VPS41: variants seen among roughly 807,000 people sequenced by gnomAD.
VPS41 encodes vacuolar protein sorting-associated protein 41 homolog.
In VPS41, 85 loss-of-function variants were observed where a neutral mutation model predicts 130.9. The ratio of observed to expected loss-of-function variants is 0.65; its 90% CI spans 0.55 to 0.78. The LOEUF (loss-of-function observed/expected upper bound fraction) is 0.78, where lower values mean the gene tolerates loss of function less well. Among genes scored for constraint, VPS41 ranks in the 30% least tolerant of loss-of-function variants. The probability of loss-of-function intolerance (pLI) is 0.00; values close to 1 mark genes in which losing one functional copy is unlikely to be tolerated. For synonymous variants in VPS41, 335 were observed against 332.9 expected (o/e 1.01, Z -0.07); for missense variants, 874 against 1,018.7 (o/e 0.86, Z 1.93).
At chr7:38,738,827 C>T (rs945981616) in intron 25 of VPS41, among the ~76,000 whole-genome samples, 1 of 152,164 alleles carries the variant, frequency 6.6e-6, no homozygotes, top group Admixed American at 6.5e-5. Context: ...GGTATAAAAA[C>T]ATAGAAAGTT....
At chr7:38,878,561 T>C (rs528665470) in intron 2 of VPS41, among the ~76,000 whole-genome samples, 106 of 152,284 alleles carry the variant, frequency 7.0e-4, no homozygotes, top group Middle Eastern at 3.4e-3. Context: ...CTAAATATCA[T>C]AAATCAAACC....
chr7:38,776,757 T>C lies in VPS41; in HGVS notation c.804A>G (p.Glu268=). ...GAGGTGCAAGTCCACTGATGTAGAATTCAGTTTCAAACTGAGACACTGCAA... is the reference window on the plus strand; with the variant it reads ...GAGGTGCAAGTCCACTGATGTAGAACTCAGTTTCAAACTGAGACACTGCAA... The part of the protein sequence containing the change: ...YVEIVSQFET[E]FYISGLAPLC... Residue 268 remains glutamate, a synonymous_variant, in exon 11 of 29, where the codon GAA becomes GAG. Transcript: ENST00000310301. The C allele has an allele frequency of 3.1e-6, 5 of 1,610,306 alleles. No homozygotes were observed. The highest frequency in any genetic ancestry group is 3.4e-6 in the Non-Finnish European group (4 of 1,176,790).
chr7:38,796,572 G>T, intron 8 of VPS41, 173 bp downstream of exon 8: 4 of 932,714 alleles, frequency 4.3e-6, no homozygotes, highest in Non-Finnish European at 6.7e-6. Context: ...TATTATGAAA[G>T]CCAAAAGCAA....
In VPS41 at chr7:38,862,575, G is replaced by GACA. The variant is rs1198878919; in HGVS notation, c.213_215dup (p.Val72dup). The GACA allele has an allele frequency of 6.2e-7, 1 of 1,608,110 alleles. No individual in the cohort carries two copies. Among genetic ancestry groups the GACA allele is most frequent in the Admixed American group, 1.7e-5 (1 of 59,386 alleles). On this transcript the variant is annotated inframe_insertion, in exon 4 of 29. Coordinates refer to ENST00000310301, the MANE Select transcript of VPS41 (RefSeq NM_014396.4). ...CAAACTTCTGAGTGATGTTCCCCTG[G>GACA]ACATCAAGTAAATAAACCTTGCCAT...
At chr7:38,877,513 T>G (rs1786516677) in intron 2 of VPS41, among the ~76,000 whole-genome samples, 1 of 152,162 alleles carries the variant, frequency 6.6e-6, no homozygotes, top group African/African-American at 2.4e-5. Context: ...TTACACTTAT[T>G]TCTAATAAAT....
chr7:38,831,876 T>A (rs1259807450), intron 4 of VPS41, among the ~76,000 whole-genome samples: 1 of 152,228 alleles, frequency 6.6e-6, no homozygotes, highest in Admixed American at 6.5e-5. Context: ...CATTACAACA[T>A]GTTTCTCACT....
intron 14 of VPS41, 128 bp downstream of exon 14, chr7:38,771,070 G>T: frequency 2.8e-6 from 2 of 713,692 alleles, no homozygotes; most frequent in Non-Finnish European, 4.7e-6. Flanking sequence ...GATCTCATAG[G>T]TTAGGGAATT....
intron 4 of VPS41, among the ~76,000 whole-genome samples, chr7:38,858,699 C>T (rs901495166): frequency 3.3e-5 from 5 of 152,134 alleles, no homozygotes; most frequent in Non-Finnish European, 5.9e-5. Flanking sequence ...ATGTTACTCA[C>T]GTGTCTGTGA....
rs145514492 is a variant in VPS41, at chr7:38,767,582, T to A, written c.1202A>T (p.Tyr401Phe). ...RHKILDIGLA[Y>F]INHLVERGDY... ...TCCTCTCTCCACCAGGTGATTTATATATGCCAAGCCAATATCCTAGAGAAA... is the reference window on the plus strand; with the variant it reads ...TCCTCTCTCCACCAGGTGATTTATAAATGCCAAGCCAATATCCTAGAGAAA... The change falls in exon 15 of 29, where the codon TAT (tyrosine) becomes TTT (phenylalanine). Residue 401 changes from tyrosine (Y) to phenylalanine (F), a missense_variant. Tyr to Phe is a conservative substitution (Grantham distance 22). Coordinates refer to ENST00000310301, the MANE Select transcript of VPS41 (RefSeq NM_014396.4). 17 of 1,610,552 alleles carry A rather than the reference T, an allele frequency of 1.1e-5. No homozygotes were observed. The African/African-American group carries it at 1.9e-4, about 18-fold the overall frequency.
chr7:38,789,488 G>C (rs1784495913), intron 10 of VPS41, among the ~76,000 whole-genome samples: 1 of 152,074 alleles, frequency 6.6e-6, no homozygotes, highest in Admixed American at 6.6e-5. Context: ...CAGAGACCAA[G>C]GAGAAGCTTG....
At chr7:38,779,364 C>CA (rs1784317743) in intron 10 of VPS41, among the ~76,000 whole-genome samples, 1 of 152,094 alleles carries the variant, frequency 6.6e-6, no homozygotes, top group African/African-American at 2.4e-5. Context: ...CTTATACCAA[C>CA]AAAAATCTCT....
At chr7:38,869,794 T>C (rs970087326) in intron 2 of VPS41, among the ~76,000 whole-genome samples, 3 of 152,128 alleles carry the variant, frequency 2.0e-5, no homozygotes, top group African/African-American at 7.2e-5. Context: ...GTGAAGACTA[T>C]GGAATTACCG....
At chr7:38,817,991 T>C (rs1785092719) in intron 6 of VPS41, 109 bp from the exon 7 acceptor site, 2 of 823,314 alleles carry the variant, frequency 2.4e-6, no homozygotes, top group Non-Finnish European at 4.1e-6. Flanking sequence ...TCCTGAAACC[T>C]TGGTAGGAAG....
At chr7:38,828,804 T>C (rs924811133) in intron 5 of VPS41, among the ~76,000 whole-genome samples, 14 of 152,196 alleles carry the variant, frequency 9.2e-5, no homozygotes, top group Non-Finnish European at 1.9e-4. Context: ...AAGGGTACCA[T>C]GAGATAATCT....
chr7:38,838,655 G>T (rs1785544264), intron 4 of VPS41, among the ~76,000 whole-genome samples: 1 of 152,106 alleles, frequency 6.6e-6, no homozygotes, highest in South Asian at 2.1e-4. Context: ...AGCAGGAGGG[G>T]GCAAGGACCA....
chr7:38,899,669 T>C (rs1179554018), intron 1 of VPS41, among the ~76,000 whole-genome samples: 1 of 151,998 alleles, frequency 6.6e-6, no homozygotes, highest in Non-Finnish European at 1.5e-5. Context: ...GTTGGAAGAG[T>C]GAGGCTTAGA....
intron 21 of VPS41, among the ~76,000 whole-genome samples, chr7:38,753,625 A>C (rs1176668574): frequency 6.6e-6 from 1 of 152,148 alleles, no homozygotes; most frequent in East Asian, 1.9e-4. Context: ...CCACCACTTC[A>C]CCATTGCACT....
chr7:38,765,494 G>A, intron 16 of VPS41, 86 bp downstream of exon 16: 1 of 881,098 alleles, frequency 1.1e-6, no homozygotes, highest in South Asian at 1.8e-5. Context: ...TCCTAAAAAA[G>A]AGCTGAGTAC....
At chr7:38,739,845 T>G (rs1032339788) in intron 25 of VPS41, among the ~76,000 whole-genome samples, 1 of 152,238 alleles carries the variant, frequency 6.6e-6, no homozygotes, top group Non-Finnish European at 1.5e-5. Flanking sequence ...CATACTTACA[T>G]ATCTTAAGGA....
Sources: allele counts gnomAD v4.1 joint callset (sites outside exome capture counted in the v4.1 genomes callset), GRCh38; gene constraint gnomAD v4.1.1; transcripts MANE v1.5; gene names NCBI Gene and HGNC (gene_info 2026-07-23, HGNC 2026-07-21).